DENND3: variants seen among roughly 807,000 people sequenced by gnomAD.
DENND3 encodes DENN domain-containing protein 3.
DENND3 carries 88 observed loss-of-function variants against 135.1 expected under a neutral mutation model. That is an observed-to-expected ratio of 0.65 (90% CI 0.55 to 0.78). DENND3 has a LOEUF of 0.78. Among genes scored for constraint, DENND3 ranks in the 30% least tolerant of loss-of-function variants. DENND3 has a pLI of 0.00. For synonymous variants in DENND3, 693 were observed against 712.3 expected (o/e 0.97, Z 0.43); for missense variants, 1,392 against 1,688.4 (o/e 0.82, Z 3.08).
In DENND3 at chr8:141,136,774, C is replaced by T. The variant is rs754045005; in HGVS notation, c.368C>T (p.Pro123Leu). The change falls in exon 2 of 23, where the codon CCG becomes CTG. Residue 123 changes from proline to leucine, a missense_variant. Transcript: ENST00000519811. ...VPGGVDLLTL[P>L]QLCFPGGVCV... ...GGCGGCGTGGACCTCCTCACCCTGC[C>T]GCAGCTGTGCTTCCCAGGTATGTCT... is the stretch of plus-strand genomic sequence containing the variant. 1.2e-5 allele frequency: 19 copies of T among 1,579,312 alleles called. No individual in the cohort carries two copies. The highest frequency in any genetic ancestry group is 2.3e-5 in the South Asian group (2 of 86,616).
At chr8:141,150,442 A>G in intron 5 of DENND3, 1 of 577,550 alleles carries the variant, frequency 1.7e-6, no homozygotes, top group Non-Finnish European at 2.6e-6. Flanking sequence ...ATTAAAAGAG[A>G]GTTCATAGCA....
Position 141,176,693 on chromosome 8 carries a change from G to A in DENND3, c.2638G>A (p.Glu880Lys). ...KEVFEANLKT[E>K]CDLWHLMVKE... ...AGTCTTCGAAGCCAACCTGAAAACC[G>A]AGTGTGACCTTTGGCACCTGATGGT... Residue 880 changes from glutamate (E) to lysine (K), a missense_variant, in exon 15 of 23, where the codon GAG (glutamate) becomes AAG (lysine). Glu to Lys is a moderately conservative substitution (Grantham distance 56). Transcript: ENST00000519811. 1.2e-6 allele frequency: 2 copies of A among 1,614,236 alleles called. No individual in the cohort carries two copies. Among genetic ancestry groups the A allele is most frequent in the Non-Finnish European group, 1.7e-6 (2 of 1,180,048 alleles).
chr8:141,145,828 TATATATA>T (rs1817998398), intron 5 of DENND3, among the ~76,000 whole-genome samples: 3 of 90,686 alleles, frequency 3.3e-5, no homozygotes, highest in African/African-American at 1.9e-4. Context: ...TATATATATA[TATATATA>T]TATATATATA....
chr8:141,151,587 C>T (rs367785066), intron 6 of DENND3, 32 bp from the exon 7 acceptor site: 266 of 1,583,926 alleles, frequency 1.7e-4, no homozygotes, highest in Middle Eastern at 1.5e-3. Context: ...TTTTTAAAAG[C>T]ATGTACTCAG....
intron 1 of DENND3, among the ~76,000 whole-genome samples, chr8:141,131,825 A>G (rs1422469292): frequency 6.6e-6 from 1 of 151,570 alleles, no homozygotes. Flanking sequence ...GGGACAGAAG[A>G]ATGGGAAATG....
intron 1 of DENND3, among the ~76,000 whole-genome samples, chr8:141,133,219 G>A (rs1471222296): frequency 1.3e-5 from 2 of 152,036 alleles, no homozygotes; most frequent in Non-Finnish European, 2.9e-5. Context: ...CAGAGGTGCT[G>A]TGTGTTCTGA....
In DENND3 at chr8:141,136,644, C is replaced by T. The variant is rs564736905; in HGVS notation, c.238C>T (p.Arg80Trp). 1.7e-5 allele frequency: 28 copies of T among 1,612,026 alleles called. 1 individual carries two copies. The East Asian group carries it at 2.0e-4, about 12-fold the overall frequency. Reference sequence around the variant, plus strand: ...CAACTGCGGCACTCTCGGTAAAACCCGGATGCGCTCCTTGAGAAAGAAGAG... The same window carrying T: ...CAACTGCGGCACTCTCGGTAAAACCTGGATGCGCTCCTTGAGAAAGAAGAG... Reference protein sequence around the residue: ...GANCGTLGKTRMRSLRKKREK... With the variant: ...GANCGTLGKTWMRSLRKKREK... The change falls in exon 2 of 23, where the codon CGG becomes TGG. Residue 80 changes from arginine to tryptophan, a missense_variant. Transcript: ENST00000519811.
At chr8:141,184,963 T>A in intron 17 of DENND3, 176 bp from the exon 18 acceptor site, 4 of 738,834 alleles carry the variant, frequency 5.4e-6, no homozygotes, top group South Asian at 2.5e-5. Context: ...CCCCCTTGAC[T>A]CTGAGCTCCC....
At chr8:141,180,076 A>T (rs1423537282) in intron 16 of DENND3, among the ~76,000 whole-genome samples, 1 of 152,182 alleles carries the variant, frequency 6.6e-6, no homozygotes, top group Non-Finnish European at 1.5e-5. Flanking sequence ...GTTGGATTGG[A>T]TAGCAAGAGG....
At position 141,190,539 on chromosome 8, in the gene DENND3, T is replaced by C. The variant is rs961745518; in HGVS notation, c.3379+122T>C. ...CGCCTTTCCAGTCTTTATTTTAAAC[T>C]CGGGTTCCCTTTCTGTGGTCGCAGC... On this transcript the variant is annotated intron_variant, in intron 20 of 22. Transcript: ENST00000519811. 7.3e-6 allele frequency: 10 copies of C among 1,372,278 alleles called. No homozygotes were observed. The African/African-American group carries it at 1.2e-4, about 16-fold the overall frequency. The allele number at this position is 1,372,278 out of a possible 1,614,324, so 85.0% of individuals were successfully genotyped here. A position where few individuals can be genotyped will look rare whatever the true frequency, so the allele number is the denominator to read the frequency against.
At chr8:141,181,180 G>A (rs535461694) in intron 17 of DENND3, among the ~76,000 whole-genome samples, 29 of 152,248 alleles carry the variant, frequency 1.9e-4, no homozygotes, top group Middle Eastern at 3.4e-3. Context: ...CTTTTTTTGA[G>A]ACGGAGTCTT....
chr8:141,191,095 TTG>T (rs1385726804), intron 20 of DENND3, among the ~76,000 whole-genome samples: 1 of 152,266 alleles, frequency 6.6e-6, no homozygotes, highest in African/African-American at 2.4e-5. Flanking sequence ...GCTCAGTTTG[TTG>T]TGTTTTGACA....
chr8:141,157,379 AT>A, intron 8 of DENND3: 1 of 985,154 alleles, frequency 1.0e-6, no homozygotes, highest in Non-Finnish European at 1.2e-6. Flanking sequence ...TGCGGAGCTC[AT>A]TTTTCCCTTC....
Position 141,128,851 on chromosome 8 carries a change from G to C in DENND3, c.102+42G>C, listed in dbSNP as rs192922644. 8.7e-3 allele frequency: 11,591 copies of C among 1,325,612 alleles called. 61 individuals carry two copies. The highest frequency in any genetic ancestry group is 0.01 in the Non-Finnish European group (10,599 of 1,022,430). The allele number at this position is 1,325,612 out of a possible 1,614,324, so 82.1% of individuals were successfully genotyped here. A position where few individuals can be genotyped will look rare whatever the true frequency, so the allele number is the denominator to read the frequency against. ...CTGAGGCGGACGTGGGCCACGAGTC[G>C]GCAGCCGGGACAGCAGTCGGAGAGC... On this transcript the variant is annotated intron_variant, in intron 1 of 22. Coordinates refer to ENST00000519811, the MANE Select transcript of DENND3 (RefSeq NM_001352890.3). The surrounding 1 kb of genome is among the most constrained non-coding windows in gnomAD (Gnocchi z 4.5).
intron 8 of DENND3, among the ~76,000 whole-genome samples, chr8:141,156,374 G>A (rs1189769712): frequency 6.6e-6 from 1 of 152,128 alleles, no homozygotes; most frequent in African/African-American, 2.4e-5. Flanking sequence ...ACAGGTGTGA[G>A]CCACCGCACC....
At chr8:141,165,383 A>G (rs1456985324) in intron 11 of DENND3, 94 bp downstream of exon 11, 20 of 973,896 alleles carry the variant, frequency 2.1e-5, no homozygotes, top group Non-Finnish European at 2.7e-5. Flanking sequence ...GAGAAAGTCA[A>G]TGGGAAATAC....
In DENND3 at chr8:141,185,143, T is replaced by C. The variant is rs766624550; in HGVS notation, c.2949T>C (p.His983=). The change falls in exon 18 of 23, where the codon CAT becomes CAC. Residue 983 remains histidine (H), a synonymous_variant. Transcript: ENST00000519811. ...AVDVLLYTPG[H]LDPAEKVEDA... ...TTGTGCTGCTCTCCTCTTTAGGGCA[T>C]CTTGACCCAGCCGAAAAAGTTGAAG... The C allele has an allele frequency of 1.9e-5, 30 of 1,613,786 alleles. No homozygotes were observed. Among genetic ancestry groups the C allele is most frequent in the East Asian group, 1.1e-4 (5 of 44,874 alleles).
intron 1 of DENND3, among the ~76,000 whole-genome samples, chr8:141,132,240 G>A (rs1422058716): frequency 6.6e-6 from 1 of 152,190 alleles, no homozygotes; most frequent in Non-Finnish European, 1.5e-5. Context: ...GCATTAAAAT[G>A]TATAAAATGC....
intron 3 of DENND3, among the ~76,000 whole-genome samples, chr8:141,140,358 G>A (rs765130116): frequency 1.3e-5 from 2 of 152,174 alleles, no homozygotes; most frequent in Non-Finnish European, 2.9e-5. Context: ...CAGCAGCCAC[G>A]CGCGCGTGTG....
Sources: gnomAD v4.1 joint callset for allele counts (sites outside exome capture counted in the v4.1 genomes callset) on GRCh38, gnomAD v4.1.1 for gene constraint, Gnocchi (gnomAD v3.1) non-coding constraint, MANE v1.5 for transcripts, NCBI Gene and HGNC (gene_info 2026-07-23, HGNC 2026-07-21) for gene names.